KCNAB1: variants seen among roughly 807,000 people sequenced by gnomAD.
KCNAB1 encodes potassium voltage-gated channel subfamily A regulatory beta subunit 1, also known as voltage-gated potassium channel subunit beta-1.
KCNAB1 carries 35 observed loss-of-function variants against 64.6 expected under a neutral mutation model. The observed-to-expected ratio is 0.54, with a 90% confidence interval of 0.41 to 0.72. The LOEUF (loss-of-function observed/expected upper bound fraction) is 0.72, where lower values mean the gene tolerates loss of function less well. Among genes scored for constraint, KCNAB1 ranks in the 30% least tolerant of loss-of-function variants. The probability of loss-of-function intolerance (pLI) is 0.00; values close to 1 mark genes in which losing one functional copy is unlikely to be tolerated. For missense variants in KCNAB1, 401 were observed against 512.9 expected (o/e 0.78, Z 2.11); for synonymous variants, 177 against 183.8 (o/e 0.96, Z 0.30).
intron 8 of KCNAB1, among the ~76,000 whole-genome samples, chr3:156,478,394 C>T (rs1461386821): frequency 6.6e-6 from 1 of 152,084 alleles, no homozygotes; most frequent in African/African-American, 2.4e-5. Context: ...TATTTGCCAA[C>T]CCCATGGAGT....
At chr3:156,462,104 T>C (rs1360484897) in intron 5 of KCNAB1, among the ~76,000 whole-genome samples, 4 of 152,258 alleles carry the variant, frequency 2.6e-5, no homozygotes, top group Admixed American at 6.5e-5. Flanking sequence ...AAAAGCATTT[T>C]GAAGGCTGTG....
At chr3:156,193,923 A>G (rs1713724005) in intron 1 of KCNAB1, among the ~76,000 whole-genome samples, 1 of 152,176 alleles carries the variant, frequency 6.6e-6, no homozygotes, top group African/African-American at 2.4e-5. Flanking sequence ...ACGTAACTTC[A>G]TCATAAGTTG....
At chr3:156,514,984 C>T in intron 9 of KCNAB1, 116 bp from the exon 10 acceptor site, 1 of 1,024,550 alleles carries the variant, frequency 9.8e-7, no homozygotes, top group South Asian at 2.2e-5. Context: ...TGGCATCCTA[C>T]ATGTTTCTTG....
At chr3:156,184,004 G>A (rs1260575346) in intron 1 of KCNAB1, among the ~76,000 whole-genome samples, 2 of 152,174 alleles carry the variant, frequency 1.3e-5, no homozygotes, top group African/African-American at 2.4e-5. Flanking sequence ...TAGGACTGTT[G>A]TGAGCTCTAA....
At chr3:156,377,985 TGTG>T (rs947481592) in intron 1 of KCNAB1, among the ~76,000 whole-genome samples, 4 of 151,856 alleles carry the variant, frequency 2.6e-5, no homozygotes, top group African/African-American at 9.7e-5. Context: ...CTATGGAAGG[TGTG>T]GTATGCATGG....
At chr3:156,307,088 A>G (rs1721540158) in intron 1 of KCNAB1, among the ~76,000 whole-genome samples, 1 of 152,196 alleles carries the variant, frequency 6.6e-6, no homozygotes, top group South Asian at 2.1e-4. Context: ...AACATGTCAT[A>G]TGTCTTGCTA....
intron 1 of KCNAB1, among the ~76,000 whole-genome samples, chr3:156,373,404 A>G (rs1726455765): frequency 6.6e-6 from 1 of 152,222 alleles, no homozygotes; most frequent in Non-Finnish European, 1.5e-5. Flanking sequence ...TTTTCCATAA[A>G]GGATAATTTG....
At chr3:156,118,796 C>T (rs1321216171), upstream of KCNAB1, among the ~76,000 whole-genome samples, 1 of 152,208 alleles carries the variant, frequency 6.6e-6, no homozygotes, top group Non-Finnish European at 1.5e-5. Context: ...CCCATTGAAA[C>T]ATCTCCAAGA....
intron 5 of KCNAB1, among the ~76,000 whole-genome samples, chr3:156,461,737 C>A (rs571593723): frequency 6.4e-4 from 98 of 152,296 alleles, no homozygotes; most frequent in Non-Finnish European, 7.3e-5. Context: ...CTCTCCATAG[C>A]TGCAGAACCT....
intron 13 of KCNAB1, among the ~76,000 whole-genome samples, chr3:156,532,515 A>G (rs1718772401): frequency 6.6e-6 from 1 of 152,236 alleles, no homozygotes; most frequent in Non-Finnish European, 1.5e-5. Flanking sequence ...CCCTGCAACA[A>G]GCACACAGCC....
At chr3:156,469,677 T>C (rs1380455791) in intron 7 of KCNAB1, among the ~76,000 whole-genome samples, 2 of 152,202 alleles carry the variant, frequency 1.3e-5, no homozygotes, top group Non-Finnish European at 2.9e-5. Flanking sequence ...AATTTCAAAC[T>C]TTTGAGATGG....
intron 1 of KCNAB1, among the ~76,000 whole-genome samples, chr3:156,228,243 A>C (rs967090629): frequency 6.6e-6 from 1 of 152,086 alleles, no homozygotes; most frequent in African/African-American, 2.4e-5. Context: ...CTTCAGATGA[A>C]GGGGAGAGGA....
intron 1 of KCNAB1, among the ~76,000 whole-genome samples, chr3:156,277,809 A>G (rs1719431454): frequency 6.6e-6 from 1 of 152,164 alleles, no homozygotes; most frequent in Non-Finnish European, 1.5e-5. Flanking sequence ...TAGCTTGCTG[A>G]AGAACCTCCA....
rs78159212 is a variant in KCNAB1 at position 156,375,455 on chromosome 3, A to G, written c.276-46161A>G. 3.0e-4 allele frequency among the ~76,000 whole-genome samples: 40 copies of G among 135,502 alleles called. 4 individuals are homozygous for G. In the East Asian group the frequency reaches 6.6e-3, roughly 22 times the overall value. 88.9% of individuals were successfully genotyped at this position (135,502 alleles called of 152,430 possible). ...AAAGCTGGGAAGGGGCAGAGAATAG[A>G]CCAGAACCTGCTCATTTTCTAGTGA... On this transcript the variant is annotated intron_variant, in intron 1 of 13. Transcript: ENST00000490337.
At chr3:156,466,214 C>T (rs1713361590) in intron 7 of KCNAB1, among the ~76,000 whole-genome samples, 1 of 152,094 alleles carries the variant, frequency 6.6e-6, no homozygotes. Context: ...CTGGACATTT[C>T]ATGTAAATGA....
At chr3:156,218,372 C>A (rs1283016689) in intron 1 of KCNAB1, among the ~76,000 whole-genome samples, 1 of 152,202 alleles carries the variant, frequency 6.6e-6, no homozygotes, top group Non-Finnish European at 1.5e-5. Context: ...CCCAGACATG[C>A]CTATCCCAGC....
chr3:156,502,530 A>AGCC (rs1716515900), intron 8 of KCNAB1, among the ~76,000 whole-genome samples: 1 of 117,960 alleles, frequency 8.5e-6, no homozygotes, highest in African/African-American at 3.6e-5. Flanking sequence ...CCTACCTTAC[A>AGCC]ACCACACACA....
chr3:156,211,509 A>G (rs187777774), intron 1 of KCNAB1, among the ~76,000 whole-genome samples: 1 of 152,332 alleles, frequency 6.6e-6, no homozygotes, highest in East Asian at 1.9e-4. Flanking sequence ...AAATTCTAAA[A>G]TCAATCTCTC....
chr3:156,184,959 A>T (rs1713093491), intron 1 of KCNAB1, among the ~76,000 whole-genome samples: 1 of 152,158 alleles, frequency 6.6e-6, no homozygotes, highest in Non-Finnish European at 1.5e-5. Flanking sequence ...AGGAATTCTC[A>T]TGCATATTAT....
Sources: gnomAD v4.1 joint callset for allele counts (sites outside exome capture counted in the v4.1 genomes callset) on GRCh38, gnomAD v4.1.1 for gene constraint, MANE v1.5 for transcripts, NCBI Gene and HGNC (gene_info 2026-07-23, HGNC 2026-07-21) for gene names.